Variants in FNBP1L observed in about 807,000 individuals in gnomAD.
FNBP1L encodes the protein formin binding protein 1 like.
In FNBP1L, 36 loss-of-function variants were observed where a neutral mutation model predicts 91.2. The ratio of observed to expected loss-of-function variants is 0.39; its 90% confidence interval spans 0.30 to 0.52. The LOEUF (loss-of-function observed/expected upper bound fraction) is 0.52. Ranked by LOEUF, FNBP1L falls within the 20% of genes least tolerant of loss-of-function variation. The pLI is 0.66. For synonymous variants in FNBP1L, 242 were observed against 237.0 expected (o/e 1.02, Z -0.19); for missense variants, 571 against 732.1 (o/e 0.78, Z 2.54).
chr1:93,518,165 TGGGCA>T (rs1157756484), intron 2 of FNBP1L, among the ~76,000 whole-genome samples: 1 of 152,212 alleles, frequency 6.6e-6, no homozygotes, highest in Non-Finnish European at 1.5e-5. Context: ...ATATCTCTAC[TGGGCA>T]TTTTTATTTA....
intron 2 of FNBP1L, among the ~76,000 whole-genome samples, chr1:93,513,617 A>G (rs1279380555): frequency 6.6e-6 from 1 of 151,966 alleles, no homozygotes; most frequent in Non-Finnish European, 1.5e-5. Flanking sequence ...GGTTCAATAT[A>G]CGCAAATCAA....
chr1:93,451,343 A>G (rs1251182712), intron 1 of FNBP1L, among the ~76,000 whole-genome samples: 1 of 152,204 alleles, frequency 6.6e-6, no homozygotes, highest in Non-Finnish European at 1.5e-5. Flanking sequence ...ATTAAGAAAT[A>G]GGTTTTTAGT....
At chr1:93,514,386 A>G (rs2101741420) in intron 2 of FNBP1L, among the ~76,000 whole-genome samples, 1 of 146,468 alleles carries the variant, frequency 6.8e-6, no homozygotes, top group East Asian at 2.0e-4. Flanking sequence ...CAAGCTACCA[A>G]TGACTTTCTT....
chr1:93,462,038 C>G (rs1668885671), intron 1 of FNBP1L, among the ~76,000 whole-genome samples: 1 of 152,110 alleles, frequency 6.6e-6, no homozygotes, highest in Non-Finnish European at 1.5e-5. Context: ...GAGCAAGTAT[C>G]CAGAATTGAT....
chr1:93,523,240 T>C, intron 3 of FNBP1L, 104 bp from the exon 4 acceptor site: 10 of 1,180,076 alleles, frequency 8.5e-6, no homozygotes, highest in East Asian at 2.8e-5. Context: ...GAGATTTAGG[T>C]TGAATATGCT....
intron 8 of FNBP1L, among the ~76,000 whole-genome samples, chr1:93,533,288 C>T (rs1303589231): frequency 6.6e-6 from 1 of 151,510 alleles, no homozygotes; most frequent in African/African-American, 2.4e-5. Context: ...ATTTCTAACT[C>T]TCTTCTCCCA....
At chr1:93,487,061 C>T (rs1439586483) in intron 1 of FNBP1L, among the ~76,000 whole-genome samples, 2 of 152,090 alleles carry the variant, frequency 1.3e-5, no homozygotes, top group Admixed American at 6.6e-5. Context: ...AGGCTCTTAC[C>T]CTCATTATTT....
In FNBP1L at chr1:93,499,685, A is replaced by T. The variant is rs564457778; in HGVS notation, c.140+102A>T. ...CCAGAGGTTAAATTCTATGTTTTTC[A>T]TCAGAATTAGATTGAATTAGGTAAC... On this transcript the variant is annotated intron_variant, in intron 2 of 16. Transcript: ENST00000271234. 198 of 713,460 alleles carry T rather than the reference A, an allele frequency of 2.8e-4. No homozygotes were observed. In the African/African-American group the frequency reaches 3.4e-3, roughly 12 times the overall value. 44.2% of individuals were successfully genotyped at this position (713,460 alleles called of 1,614,324 possible).
Position 93,492,169 on chromosome 1 carries a change from CA to C in FNBP1L, c.25-7298del, listed in dbSNP as rs1471331472. 1.1e-3 allele frequency among the ~76,000 whole-genome samples: 175 copies of C among 152,204 alleles called. 1 individual carries two copies. The Middle Eastern group carries it at 0.017, about 15-fold the overall frequency. On this transcript the variant is annotated intron_variant, in intron 1 of 16. Transcript: ENST00000271234. ...TTTAGTTTTTAAAAACAATCTGATA[CA>C]GGTCTTAGATATCTATTTTTTAGAT...
At chr1:93,534,628 TACTGAAAA>T in intron 8 of FNBP1L, 69 bp from the exon 9 acceptor site, 1 of 891,620 alleles carries the variant, frequency 1.1e-6, no homozygotes, top group Non-Finnish European at 1.7e-6. Context: ...TGTTTTTTTG[TACTGAAAA>T]AGTTATGAAA....
chr1:93,449,891 A>AT lies in FNBP1L; in HGVS notation c.24+1591dup, dbSNP rs980089667. ...GGAAATGGGTATAGTTTTATTTTAA[A>AT]TTTTTAAATTTTTTATTTTTTTCAT... is the stretch of plus-strand genomic sequence containing the variant. On this transcript the variant is annotated intron_variant, in intron 1 of 16. Transcript: ENST00000271234. Among the ~76,000 whole-genome samples, 10 of 152,242 alleles carry AT rather than the reference A, an allele frequency of 6.6e-5. No homozygotes were observed. The South Asian group carries it at 1.9e-3, about 28-fold the overall frequency.
intron 1 of FNBP1L, among the ~76,000 whole-genome samples, chr1:93,485,235 A>G (rs796660714): frequency 9.9e-5 from 15 of 151,512 alleles, no homozygotes; most frequent in East Asian, 3.9e-4. Flanking sequence ...GTGTGGGAAG[A>G]TGGGAAGATG....
chr1:93,549,347 C>T lies in FNBP1L; in HGVS notation c.1572C>T (p.His524=), dbSNP rs762489268. ...VRGPPQQHGH[H]NEFDDEFEDD... is the part of the protein sequence containing the mutation. ...GGCCACCCCAGCAGCATGGTCACCA[C>T]AATGAGTTTGATGATGAATTTGAGG... The change falls in exon 15 of 17, where the codon CAC becomes CAT. Residue 524 remains histidine, a synonymous_variant. Coordinates refer to ENST00000271234, the MANE Select transcript of FNBP1L (RefSeq NM_001164473.3). 144 of 1,612,704 alleles carry T rather than the reference C, an allele frequency of 8.9e-5. 1 individual carries two copies. Among genetic ancestry groups the T allele is most frequent in the Non-Finnish European group, 1.2e-4 (142 of 1,179,390 alleles).
intron 1 of FNBP1L, among the ~76,000 whole-genome samples, chr1:93,453,254 A>T (rs1377574418): frequency 6.6e-6 from 1 of 152,214 alleles, no homozygotes; most frequent in Non-Finnish European, 1.5e-5. Flanking sequence ...GCTATTAGTT[A>T]AGGAGGATGA....
intron 2 of FNBP1L, among the ~76,000 whole-genome samples, chr1:93,506,163 T>C (rs1670604720): frequency 6.6e-6 from 1 of 152,198 alleles, no homozygotes; most frequent in African/African-American, 2.4e-5. Context: ...AGTGGAATAG[T>C]CATACTGCTA....
intron 1 of FNBP1L, among the ~76,000 whole-genome samples, chr1:93,496,560 C>T (rs747235783): frequency 2.0e-5 from 3 of 152,188 alleles, no homozygotes; most frequent in Non-Finnish European, 4.4e-5. Flanking sequence ...GCTAACATGC[C>T]TGGCTAATTT....
chr1:93,495,239 G>A (rs899904945), intron 1 of FNBP1L, among the ~76,000 whole-genome samples: 4 of 152,164 alleles, frequency 2.6e-5, no homozygotes, highest in African/African-American at 9.7e-5. Context: ...AAGTACAGAA[G>A]TTTCCAACAT....
In FNBP1L at chr1:93,503,318, A is replaced by G. The variant is rs565540448; in HGVS notation, c.140+3735A>G. Among the ~76,000 whole-genome samples the G allele has an allele frequency of 2.6e-5, 4 of 152,272 alleles. No individual in the cohort carries two copies. The South Asian group carries it at 8.3e-4, about 32-fold the overall frequency. On this transcript the variant is annotated intron_variant, in intron 2 of 16. Transcript: ENST00000271234. ...ACTGTTGTGAGAACAAGATGGGGGA[A>G]ACCGCCCCCATGATTCAGTTATCTC...
rs913967522 is a variant in FNBP1L, at chr1:93,499,661, CA to C, written c.140+79del. The C allele has an allele frequency of 1.1e-5, 9 of 814,640 alleles. No homozygotes were observed. The African/African-American group carries it at 1.4e-4, about 13-fold the overall frequency. The allele number at this position is 814,640 out of a possible 1,614,324, so 50.5% of individuals were successfully genotyped here. ...TGAATATTAGAGGAATGTGATAGTC[CA>C]GAGGTTAAATTCTATGTTTTTCATC... On this transcript the variant is annotated intron_variant, in intron 2 of 16. Coordinates refer to ENST00000271234, the MANE Select transcript of FNBP1L (RefSeq NM_001164473.3).
Sources: allele counts gnomAD v4.1 joint callset (sites outside exome capture counted in the v4.1 genomes callset), GRCh38; gene constraint gnomAD v4.1.1; transcripts MANE v1.5; gene names NCBI Gene and HGNC (gene_info 2026-07-23, HGNC 2026-07-21).